The following PAEP variants were observed in gnomAD, a reference collection of about 807,000 sequenced individuals.
The protein encoded by PAEP is progestagen associated endometrial protein.
Under a neutral mutation model 23.0 loss-of-function variants are expected in PAEP, and 28 were observed. The observed-to-expected ratio is 1.22, with a 90% CI of 0.90 to 1.67. The LOEUF (loss-of-function observed/expected upper bound fraction) is 1.67, where lower values mean the gene tolerates loss of function less well. PAEP is among the 40% of genes most tolerant of loss of function. The pLI, the probability that PAEP is intolerant of heterozygous loss-of-function variation, is 0.00. For synonymous variants in PAEP, 103 were observed against 92.4 expected (o/e 1.12, Z -0.66); for missense variants, 209 against 226.4 (o/e 0.92, Z 0.49).
chr9:135,563,062 G>A, intron 3 of PAEP, 169 bp downstream of exon 3: 1 of 611,750 alleles, frequency 1.6e-6, no homozygotes, highest in Non-Finnish European at 2.9e-6. Context: ...GACCCCAGAG[G>A]CATCTTTTAC....
intron 2 of PAEP, among the ~76,000 whole-genome samples, 171 bp downstream of exon 2, chr9:135,562,604 C>T (rs1037419191): frequency 3.3e-5 from 5 of 152,148 alleles, no homozygotes; most frequent in African/African-American, 7.2e-5. Context: ...GGGCTCCAGA[C>T]GTTCCCTGTC....
chr9:135,564,435 A>G, intron 4 of PAEP, 81 bp downstream of exon 4: 4 of 1,522,650 alleles, frequency 2.6e-6, no homozygotes, highest in South Asian at 2.5e-5. Context: ...GGAGCTGACA[A>G]CTGGCTTCCT....
rs769077012 is a variant in PAEP at position 135,565,368 on chromosome 9, G to A, written c.422-42G>A. ...GCCTCTGGAGCTCCCCAGCTCTCAT[G>A]GAAGCCCCAGGGGCCCAGGACTGAC... On this transcript the variant is annotated intron_variant, in intron 4 of 6. Transcript: ENST00000479141. The A allele has an allele frequency of 1.4e-5, 21 of 1,530,556 alleles. No homozygotes were observed. The African/African-American group carries it at 2.7e-4, about 20-fold the overall frequency. The allele number at this position is 1,530,556 out of a possible 1,614,324, so 94.8% of individuals were successfully genotyped here.
intron 2 of PAEP, 23 bp downstream of exon 2, chr9:135,562,456 G>T (rs374152409): frequency 6.2e-7 from 1 of 1,608,558 alleles, no homozygotes; most frequent in Non-Finnish European, 8.5e-7. Flanking sequence ...TCATTGAGAC[G>T]GGCTGGGCGG....
At position 135,562,427 on chromosome 9, in the gene PAEP, A is replaced by G. The variant is rs750765840; in HGVS notation, c.230A>G (p.His77Arg). 7.4e-6 allele frequency: 12 copies of G among 1,613,678 alleles called. No individual in the cohort carries two copies. The African/African-American group carries it at 1.3e-4, about 18-fold the overall frequency. ...GAGGACAACCTGGAGATCGTTCTGC[A>G]CAGATGGTGGGTTTCTCATCATTGA... is the stretch of plus-strand genomic sequence containing the variant. Reference protein sequence around the residue: ...TPEDNLEIVLHRWENNSCVEK... With the variant: ...TPEDNLEIVLRRWENNSCVEK... Residue 77 changes from histidine (H) to arginine (R), a missense_variant, in exon 2 of 7, where the codon CAC becomes CGC. By Grantham distance (29) the His-to-Arg change is conservative. Coordinates refer to ENST00000479141, the MANE Select transcript of PAEP (RefSeq NM_002571.4).
chr9:135,561,843 TG>T lies in PAEP; in HGVS notation c.44del (p.Gly15ValfsTer39). The T allele has an allele frequency of 6.4e-7, 1 of 1,565,582 alleles. No homozygotes were observed. Among genetic ancestry groups the T allele is most frequent in the South Asian group, 1.2e-5 (1 of 85,102 alleles). On this transcript the variant is annotated frameshift_variant, in exon 1 of 7. Transcript: ENST00000479141. LOFTEE classifies it high-confidence loss of function. Reference sequence around the variant, plus strand: ...TCACCCTGGGCGTGGCCCTGGTCTGTGGTGTCCCGGCCATGGACATCCCCCA... The same window carrying T: ...TCACCCTGGGCGTGGCCCTGGTCTGTGTGTCCCGGCCATGGACATCCCCCA... Reference protein sequence around the residue: ...LLTLGVALVCGVPAMDIPQTK... With the variant: ...LLTLGVALVCXVPAMDIPQTK...
chr9:135,564,185 C>G, intron 3 of PAEP, 59 bp from the exon 4 acceptor site: 1 of 1,545,172 alleles, frequency 6.5e-7, no homozygotes, highest in African/African-American at 1.4e-5. Context: ...CACACCTGCA[C>G]AGGACTCTGC....
At chr9:135,562,917 G>T in intron 3 of PAEP, 24 bp downstream of exon 3, 1 of 1,585,930 alleles carries the variant, frequency 6.3e-7, no homozygotes, top group Non-Finnish European at 8.7e-7. Flanking sequence ...GGCCCCAAGG[G>T]CTGGCTCAGT....
In PAEP at chr9:135,565,418, C is replaced by T. The variant is rs767248188; in HGVS notation, c.430C>T (p.Leu144=). 9 of 1,614,072 alleles carry T rather than the reference C, an allele frequency of 5.6e-6. No homozygotes were observed. In the South Asian group the frequency reaches 7.7e-5, roughly 14 times the overall value. Residue 144 remains leucine, a synonymous_variant, in exon 5 of 7, where the codon CTG becomes TTG. Transcript: ENST00000479141. ...CCCAGCCTCTTCCACAGCCAGAGTC[C>T]TGGTGGAGGACGATGAGATCATGCA... is the stretch of plus-strand genomic sequence containing the variant. The part of the protein sequence containing the change: ...SMMCQYLARV[L]VEDDEIMQGF...
At chr9:135,562,942 C>T in intron 3 of PAEP, 49 bp downstream of exon 3, 1 of 1,439,822 alleles carries the variant, frequency 6.9e-7, no homozygotes, top group Non-Finnish European at 9.8e-7. Context: ...GCATGCTAGC[C>T]ACGCTCTCCC....
At chr9:135,565,389 C>T in intron 4 of PAEP, 21 bp from the exon 5 acceptor site, 1 of 1,604,640 alleles carries the variant, frequency 6.2e-7, no homozygotes, top group Non-Finnish European at 8.5e-7. Flanking sequence ...GGGCCCAGGA[C>T]TGACCCAGCC....
intron 1 of PAEP, 75 bp downstream of exon 1, chr9:135,561,972 C>A: frequency 8.6e-7 from 1 of 1,166,920 alleles, no homozygotes; most frequent in Non-Finnish European, 1.2e-6. Context: ...GGCAGGAAGC[C>A]CAGGATCTCA....
Position 135,561,791 on chromosome 9 carries a change from C to T in PAEP, c.-11C>T. The T allele has an allele frequency of 1.3e-6, 2 of 1,544,660 alleles. No individual in the cohort carries two copies. The highest frequency in any genetic ancestry group is 1.2e-5 in the South Asian group (1 of 83,812). On this transcript the variant is annotated 5_prime_UTR_variant, in exon 1 of 7. Coordinates refer to ENST00000479141, the MANE Select transcript of PAEP (RefSeq NM_002571.4). ...TGGCTCCAGAGCTCAGAGCCACCCA[C>T]AGCCGCAGCCATGCTGTGCCTCCTG... is the stretch of plus-strand genomic sequence containing the variant.
In PAEP at chr9:135,564,518, T is replaced by C. The variant is rs577019071; in HGVS notation, c.421+164T>C. On this transcript the variant is annotated intron_variant, in intron 4 of 6. Coordinates refer to ENST00000479141, the MANE Select transcript of PAEP (RefSeq NM_002571.4). ...TATTTGTTTGTTGTTTGCTTTGTTT[T>C]TTTGAGAAAGGGTCTCATTCTGTCA... 11 of 981,222 alleles carry C rather than the reference T, an allele frequency of 1.1e-5. No individual in the cohort carries two copies. The African/African-American group carries it at 1.7e-4, about 16-fold the overall frequency. 60.8% of individuals were successfully genotyped at this position (981,222 alleles called of 1,614,324 possible).
rs141511524 is a variant in PAEP, at chr9:135,565,463, A to G, written c.475A>G (p.Arg159Gly). Residue 159 changes from arginine to glycine, a missense_variant, in exon 5 of 7, where the codon AGG (arginine) becomes GGG (glycine). Physicochemically the swap from Arg to Gly is moderately radical, Grantham distance 125 (BLOSUM62 -2). Transcript: ENST00000479141. The stretch of plus-strand genomic sequence containing the variant: ...CATGCAGGGATTCATCAGGGCTTTC[A>G]GGCCCCTGCCCAGGCACCTATGGTA... ...EIMQGFIRAF[R>G]PLPRHLWYLL... The G allele has an allele frequency of 1.9e-4, 300 of 1,614,196 alleles. No individual in the cohort carries two copies. In the African/African-American group the frequency reaches 3.6e-3, roughly 19 times the overall value.
chr9:135,564,326 C>T lies in PAEP; in HGVS notation c.393C>T (p.Pro131=). 6.4e-7 allele frequency: 1 copy of T among 1,551,166 alleles called. No homozygotes were observed. Among genetic ancestry groups the T allele is most frequent in the Non-Finnish European group, 8.7e-7 (1 of 1,147,326 alleles). Residue 131 remains proline, a synonymous_variant, in exon 4 of 7, where the codon CCC becomes CCT. Transcript: ENST00000479141. ...TCTGCCTACAGGACACCACCACCCC[C>T]ATCCAGAGCATGATGTGCCAGTACC... The part of the protein sequence containing the change: ...LFLCLQDTTT[P]IQSMMCQYLA...
rs783774 is a variant in PAEP, at chr9:135,565,636, C to G, written c.526+122C>G. The G allele has an allele frequency of 2.3e-6, 3 of 1,329,852 alleles. No homozygotes were observed. The South Asian group carries it at 3.5e-5, about 16-fold the overall frequency. 82.4% of individuals were successfully genotyped at this position (1,329,852 alleles called of 1,614,324 possible). A position where few individuals can be genotyped will look rare whatever the true frequency, so the allele number is the denominator to read the frequency against. On this transcript the variant is annotated intron_variant, in intron 5 of 6. Coordinates refer to ENST00000479141, the MANE Select transcript of PAEP (RefSeq NM_002571.4). ...TCCTTTTTGGCCCCTCCCCTGTTCT[C>G]CCCTGGCCTTCTGGGGTGCAGAGCC...
intron 6 of PAEP, 110 bp downstream of exon 6, chr9:135,565,911 T>C: frequency 1.6e-6 from 2 of 1,236,422 alleles, no homozygotes; most frequent in Admixed American, 1.7e-5. Flanking sequence ...AGTTCAGGGC[T>C]GACCCTACAG....
intron 6 of PAEP, 63 bp downstream of exon 6, chr9:135,565,864 G>A (rs2119049654): frequency 1.3e-6 from 2 of 1,562,006 alleles, no homozygotes; most frequent in South Asian, 2.2e-5. Flanking sequence ...GTCTGCGGCT[G>A]CCTCTCTGGG....
Sources: allele counts gnomAD v4.1 joint callset (sites outside exome capture counted in the v4.1 genomes callset), GRCh38; gene constraint gnomAD v4.1.1; transcripts MANE v1.5; gene names NCBI Gene and HGNC (gene_info 2026-07-23, HGNC 2026-07-21).